Variants in IL36B observed in about 807,000 individuals in gnomAD.
IL36B encodes the protein interleukin-36 beta.
IL36B carries 23 observed loss-of-function variants against 19.3 expected under a neutral mutation model. The observed-to-expected ratio is 1.19, with a 90% CI of 0.86 to 1.69. The LOEUF (loss-of-function observed/expected upper bound fraction) is 1.69, where lower values mean the gene tolerates loss of function less well. Among genes scored for constraint, IL36B ranks in the 40% most tolerant of loss-of-function variants. The pLI is 0.00. For missense variants in IL36B, 217 were observed against 200.5 expected (o/e 1.08, Z -0.50); for synonymous variants, 59 against 59.7 (o/e 0.99, Z 0.05).
Position 113,031,783 on chromosome 2 carries a change from A to G in IL36B, c.-57-17T>C. 8.5e-7 allele frequency: 1 copy of G among 1,175,958 alleles called. No individual in the cohort carries two copies. The highest frequency in any genetic ancestry group is 1.3e-5 in the South Asian group (1 of 79,072). 72.8% of individuals were successfully genotyped at this position (1,175,958 alleles called of 1,614,324 possible). On this transcript the variant is annotated splice_polypyrimidine_tract_variant and intron_variant, in intron 1 of 5. Transcript: ENST00000259213. ...GTGAGGAGGCTGTTAACAGTTGGCC[A>G]TGTGAGAGAAGGAGAGAAGAAACAT...
intron 3 of IL36B, among the ~76,000 whole-genome samples, chr2:113,029,936 T>A (rs1413050219): frequency 6.6e-6 from 1 of 152,032 alleles, no homozygotes; most frequent in Non-Finnish European, 1.5e-5. Context: ...AATATTCTAA[T>A]AGAAGGAGAA....
chr2:113,039,455 A>G (rs1342149505), intron 1 of IL36B, among the ~76,000 whole-genome samples: 1 of 152,220 alleles, frequency 6.6e-6, no homozygotes, highest in Non-Finnish European at 1.5e-5. Context: ...AGAGTTTACA[A>G]TATTACAGTC....
At chr2:113,042,620 C>T (rs574239963) in intron 1 of IL36B, among the ~76,000 whole-genome samples, 4 of 152,242 alleles carry the variant, frequency 2.6e-5, no homozygotes, top group Non-Finnish European at 5.9e-5. Context: ...TTCCTTCACT[C>T]AGTGTACTTT....
intron 4 of IL36B, chr2:113,028,039 G>C: frequency 6.2e-7 from 1 of 1,614,140 alleles, no homozygotes; most frequent in Non-Finnish European, 8.5e-7. Flanking sequence ...GACAGAAGTG[G>C]AGCCTTCTTT....
At chr2:113,047,434 G>C (rs1157802077) in intron 1 of IL36B, among the ~76,000 whole-genome samples, 1 of 152,196 alleles carries the variant, frequency 6.6e-6, no homozygotes, top group Non-Finnish European at 1.5e-5. Flanking sequence ...TTTGAGACTA[G>C]GGAGGCTCAA....
At chr2:113,031,583 T>G in intron 2 of IL36B, 114 bp downstream of exon 2, 1 of 927,766 alleles carries the variant, frequency 1.1e-6, no homozygotes, top group Non-Finnish European at 1.7e-6. Flanking sequence ...CTGAGTGTTT[T>G]AGCAAGAGCA....
chr2:113,044,284 G>A (rs1231613668), intron 1 of IL36B, among the ~76,000 whole-genome samples: 1 of 126,226 alleles, frequency 7.9e-6, no homozygotes, highest in Admixed American at 7.2e-5. Context: ...GTGTGTGTGT[G>A]TGTGTGTGTG....
At chr2:113,046,201 G>GTTTTTTT (rs779577764) in intron 1 of IL36B, among the ~76,000 whole-genome samples, 1 of 145,038 alleles carries the variant, frequency 6.9e-6, no homozygotes, top group African/African-American at 2.6e-5. Flanking sequence ...GTTTCTTCAG[G>GTTTTTTT]TTTTTTCTTT....
intron 1 of IL36B, among the ~76,000 whole-genome samples, chr2:113,043,412 T>C (rs1396453981): frequency 6.6e-6 from 1 of 152,232 alleles, no homozygotes; most frequent in East Asian, 1.9e-4. Flanking sequence ...TAGATTATGT[T>C]TTCCATTTTG....
chr2:113,040,078 T>C (rs1312041755), intron 1 of IL36B, among the ~76,000 whole-genome samples: 3 of 152,212 alleles, frequency 2.0e-5, no homozygotes, highest in Non-Finnish European at 2.9e-5. Context: ...ACATCAAGAA[T>C]AAAGATCATC....
At chr2:113,037,087 AG>A (rs1408965893) in intron 1 of IL36B, among the ~76,000 whole-genome samples, 1 of 152,222 alleles carries the variant, frequency 6.6e-6, no homozygotes, top group Non-Finnish European at 1.5e-5. Flanking sequence ...CTTAAGAACC[AG>A]GTGGCCGCTC....
chr2:113,022,779 T>A lies in IL36B; in HGVS notation c.392-2A>T, dbSNP rs1684885664. On this transcript the variant is annotated splice_acceptor_variant, in intron 5 of 5. Coordinates refer to ENST00000259213, the MANE Select transcript of IL36B (RefSeq NM_014438.5). LOFTEE classifies it high-confidence loss of function. ...AGGAACTCTTCCACTTCTTTCTACC[T>A]GCAGGAAAGGAGAAGTATCTCCTAG... is the stretch of plus-strand genomic sequence containing the variant. The A allele has an allele frequency of 6.3e-7, 1 of 1,594,354 alleles. No individual in the cohort carries two copies. Among genetic ancestry groups the A allele is most frequent in the Non-Finnish European group, 8.6e-7 (1 of 1,162,298 alleles).
chr2:113,041,069 G>A (rs1486560716), intron 1 of IL36B, among the ~76,000 whole-genome samples: 2 of 151,462 alleles, frequency 1.3e-5, no homozygotes, highest in Admixed American at 6.6e-5. Context: ...GCAGAAGGAT[G>A]ACTTCAGTCT....
At chr2:113,030,191 C>T (rs550718552) in intron 3 of IL36B, among the ~76,000 whole-genome samples, 22 of 151,824 alleles carry the variant, frequency 1.4e-4, no homozygotes, top group African/African-American at 5.1e-4. Context: ...GAGATCGTGC[C>T]ATTGCACTCC....
intron 1 of IL36B, among the ~76,000 whole-genome samples, chr2:113,037,968 T>A (rs1325362445): frequency 6.6e-6 from 1 of 152,258 alleles, no homozygotes; most frequent in Admixed American, 6.5e-5. Flanking sequence ...TAGTTTAATT[T>A]ATGCTTCACA....
intron 1 of IL36B, among the ~76,000 whole-genome samples, chr2:113,043,011 A>T (rs1573375533): frequency 6.6e-6 from 1 of 151,868 alleles, no homozygotes; most frequent in Non-Finnish European, 1.5e-5. Flanking sequence ...TTTTATTTGC[A>T]GTTTCCCAAT....
intron 1 of IL36B, among the ~76,000 whole-genome samples, chr2:113,044,550 T>C (rs569479010): frequency 3.3e-5 from 5 of 152,296 alleles, no homozygotes; most frequent in East Asian, 1.9e-4. Flanking sequence ...TTGCTTTTTA[T>C]TGGTGTTAAC....
chr2:113,028,154 G>C, intron 4 of IL36B, 39 bp from the exon 5 acceptor site: 1 of 1,542,702 alleles, frequency 6.5e-7, no homozygotes, highest in South Asian at 1.1e-5. Context: ...AGGAGGATAG[G>C]AGGAGGAAGC....
chr2:113,037,871 G>A (rs751568823), intron 1 of IL36B, among the ~76,000 whole-genome samples: 1 of 152,104 alleles, frequency 6.6e-6, no homozygotes, highest in Non-Finnish European at 1.5e-5. Flanking sequence ...TACATTTTAC[G>A]TGTTGATTTG....
Sources: allele counts gnomAD v4.1 joint callset (sites outside exome capture counted in the v4.1 genomes callset), GRCh38; gene constraint gnomAD v4.1.1; transcripts MANE v1.5; gene names NCBI Gene and HGNC (gene_info 2026-07-23, HGNC 2026-07-21).